Variants in MAP2K4 observed in about 807,000 individuals in gnomAD.
MAP2K4 encodes the protein mitogen-activated protein kinase kinase 4.
A neutral mutation model predicts 48.5 loss-of-function variants in MAP2K4; 4 were observed. The observed-to-expected ratio is 0.08, with a 90% CI of 0.04 to 0.19. MAP2K4 has a LOEUF of 0.19. Among genes scored for constraint, MAP2K4 ranks in the 10% least tolerant of loss-of-function variants. The pLI is 1.00. For missense variants in MAP2K4, 258 were observed against 493.3 expected, an observed-to-expected ratio of 0.52 and a Z score of 4.52; for synonymous variants, 166 against 173.1, an observed-to-expected ratio of 0.96 and a Z score of 0.32.
intron 3 of MAP2K4, among the ~76,000 whole-genome samples, chr17:12,094,419 C>T (rs1159505290): frequency 6.6e-6 from 1 of 152,106 alleles, no homozygotes; most frequent in East Asian, 1.9e-4. Flanking sequence ...AAAATGGGCT[C>T]AAGAATTTAA....
At position 12,035,511 on chromosome 17, in the gene MAP2K4, C is replaced by T. The variant is rs141211758; in HGVS notation, c.115+14510C>T. ...AGCCTGGTCAACAAGAACAAAACTC[C>T]GTCTCAAAATAAATAAATAAATAAC... is the stretch of plus-strand genomic sequence containing the variant. On this transcript the variant is annotated intron_variant, in intron 1 of 10. Coordinates refer to ENST00000353533, the MANE Select transcript of MAP2K4 (RefSeq NM_003010.4). Among the ~76,000 whole-genome samples the T allele has an allele frequency of 3.0e-4, 45 of 151,962 alleles. No individual in the cohort carries two copies. In the East Asian group the frequency reaches 6.4e-3, roughly 22 times the overall value.
At chr17:12,110,691 C>A in intron 6 of MAP2K4, 1 of 381,884 alleles carries the variant, frequency 2.6e-6, no homozygotes, top group East Asian at 5.5e-5. Context: ...AATAATTATT[C>A]ATTTGCCTGA....
chr17:12,142,738 A>C lies in MAP2K4; in HGVS notation c.*1478A>C. The C allele has an allele frequency of 4.3e-6, 1 of 233,046 alleles. No homozygotes were observed. Among genetic ancestry groups the C allele is most frequent in the East Asian group, 6.0e-5 (1 of 16,552 alleles). The allele number at this position is 233,046 out of a possible 1,614,324, so 14.4% of individuals were successfully genotyped here. On this transcript the variant is annotated 3_prime_UTR_variant, in exon 11 of 11. Transcript: ENST00000353533. ...TCAGCACTGTTACAAGAGGCCATTT[A>C]AGTATCTTGTGCTTCTTCACTTACC... is the stretch of plus-strand genomic sequence containing the variant.
intron 7 of MAP2K4, chr17:12,124,354 CT>C (rs1470158565): frequency 6.6e-6 from 1 of 152,126 alleles, no homozygotes; most frequent in Non-Finnish European, 1.5e-5. Flanking sequence ...TAAAGATGTT[CT>C]TTCACAGAAA....
intron 9 of MAP2K4, among the ~76,000 whole-genome samples, chr17:12,130,628 A>G (rs1972991409): frequency 6.6e-6 from 1 of 152,178 alleles, no homozygotes. Flanking sequence ...ATAGAGTGAC[A>G]GTTTTAGACA....
At chr17:12,068,784 T>TG (rs35333421) in intron 2 of MAP2K4, among the ~76,000 whole-genome samples, 25,433 of 151,744 alleles carry the variant, frequency 0.17, 2,487 homozygotes, top group South Asian at 0.3. Flanking sequence ...TGTATATGTA[T>TG]TTATGTATAC....
intron 3 of MAP2K4, chr17:12,082,053 C>G: frequency 2.3e-6 from 1 of 429,876 alleles, no homozygotes; most frequent in Non-Finnish European, 5.1e-6. Context: ...TGCCCTGTTC[C>G]CTGGTTTTAA....
intron 5 of MAP2K4, among the ~76,000 whole-genome samples, chr17:12,109,465 A>T (rs1160378901): frequency 6.6e-6 from 1 of 152,192 alleles, no homozygotes; most frequent in African/African-American, 2.4e-5. Context: ...TCTTGTACCT[A>T]GCAGCTTGAC....
intron 7 of MAP2K4, among the ~76,000 whole-genome samples, chr17:12,113,720 C>G (rs371373272): frequency 3.3e-5 from 5 of 152,262 alleles, no homozygotes; most frequent in Non-Finnish European, 5.9e-5. Flanking sequence ...TAGCAGAATT[C>G]ACTATGTATT....
chr17:12,069,714 G>A, intron 2 of MAP2K4: 10 of 1,041,666 alleles, frequency 9.6e-6, no homozygotes, highest in Non-Finnish European at 1.2e-5. Flanking sequence ...CAGTTTCCAT[G>A]GTAACTGACA....
At chr17:12,129,107 G>A (rs776779068) in intron 8 of MAP2K4, 32 bp from the exon 9 acceptor site, 17 of 1,608,488 alleles carry the variant, frequency 1.1e-5, no homozygotes, top group South Asian at 5.5e-5. Flanking sequence ...GATGCCTGGT[G>A]TATTTTGCTC....
At position 12,142,316 on chromosome 17, in the gene MAP2K4, G is replaced by A. The variant is rs1008742120; in HGVS notation, c.*1056G>A. On this transcript the variant is annotated 3_prime_UTR_variant, in exon 11 of 11. Coordinates refer to ENST00000353533, the MANE Select transcript of MAP2K4 (RefSeq NM_003010.4). Reference sequence around the variant, plus strand: ...GTAGGCAGCAAAAGACCAAATCTCAGTTGTTTGCTTCTTGCCATCACTGGT... The same window carrying A: ...GTAGGCAGCAAAAGACCAAATCTCAATTGTTTGCTTCTTGCCATCACTGGT... The A allele has an allele frequency of 8.6e-6, 2 of 233,324 alleles. No homozygotes were observed. Among genetic ancestry groups the A allele is most frequent in the Admixed American group, 5.6e-5 (1 of 17,768 alleles). The allele number at this position is 233,324 out of a possible 1,614,324, so 14.5% of individuals were successfully genotyped here.
At chr17:12,115,477 G>A in intron 7 of MAP2K4, 1 of 569,356 alleles carries the variant, frequency 1.8e-6, no homozygotes, top group Non-Finnish European at 3.3e-6. Context: ...AACTATTTGT[G>A]TGTCTAAATA....
At chr17:12,090,633 G>A (rs561560996) in intron 3 of MAP2K4, among the ~76,000 whole-genome samples, 6 of 152,114 alleles carry the variant, frequency 3.9e-5, no homozygotes, top group South Asian at 2.1e-4. Flanking sequence ...ATCATCATGC[G>A]CTTTCCCACT....
intron 1 of MAP2K4, among the ~76,000 whole-genome samples, chr17:12,023,765 C>T (rs1021243534): frequency 6.6e-6 from 1 of 152,106 alleles, no homozygotes; most frequent in Admixed American, 6.5e-5. Context: ...GTTTGAATCT[C>T]TTGGCCAGGA....
intron 4 of MAP2K4, among the ~76,000 whole-genome samples, chr17:12,101,691 CTTT>C (rs1055566326): frequency 5.3e-5 from 8 of 152,052 alleles, no homozygotes; most frequent in Non-Finnish European, 7.4e-5. Context: ...TTTACATCTT[CTTT>C]AATTTTTCTC....
At chr17:12,093,280 C>G (rs963646912) in intron 3 of MAP2K4, among the ~76,000 whole-genome samples, 1 of 152,174 alleles carries the variant, frequency 6.6e-6, no homozygotes, top group African/African-American at 2.4e-5. Context: ...CTGATGATCT[C>G]AAAGATAGAG....
intron 2 of MAP2K4, among the ~76,000 whole-genome samples, chr17:12,061,434 G>T (rs1437936759): frequency 6.6e-6 from 1 of 152,188 alleles, no homozygotes; most frequent in Non-Finnish European, 1.5e-5. Flanking sequence ...AGTGATTCTC[G>T]ACAGAGGTGG....
At chr17:12,104,204 A>G (rs1972033838) in intron 4 of MAP2K4, among the ~76,000 whole-genome samples, 1 of 152,168 alleles carries the variant, frequency 6.6e-6, no homozygotes, top group Admixed American at 6.5e-5. Flanking sequence ...CATGATCCAC[A>G]TTGGCTCCTA....
Sources: allele counts gnomAD v4.1 joint callset (sites outside exome capture counted in the v4.1 genomes callset), GRCh38; gene constraint gnomAD v4.1.1; transcripts MANE v1.5; gene names NCBI Gene and HGNC (gene_info 2026-07-23, HGNC 2026-07-21).